The following CDH26 variants were observed in gnomAD, a reference collection of about 807,000 sequenced individuals.
The protein encoded by CDH26 is cadherin 26.
CDH26 carries 83 observed loss-of-function variants against 90.3 expected under a neutral mutation model. The ratio of observed to expected loss-of-function variants is 0.92; its 90% confidence interval spans 0.77 to 1.10. The LOEUF is 1.10. Among genes scored for constraint, CDH26 ranks in the 50% least tolerant of loss-of-function variants. The pLI is 0.00. For synonymous variants in CDH26, 397 were observed against 396.3 expected (o/e 1.00, Z -0.02); for missense variants, 1,013 against 1,037.6 (o/e 0.98, Z 0.33).
At chr20:59,986,668 T>C (rs1199466742) in intron 7 of CDH26, among the ~76,000 whole-genome samples, 1 of 149,846 alleles carries the variant, frequency 6.7e-6, no homozygotes, top group Non-Finnish European at 1.5e-5. Flanking sequence ...CACTCAGCTC[T>C]CAGCTCCATC....
At chr20:59,959,539 A>G (rs1177974133) in intron 1 of CDH26, among the ~76,000 whole-genome samples, 1 of 151,526 alleles carries the variant, frequency 6.6e-6, no homozygotes, top group African/African-American at 2.4e-5. Context: ...TACTGGGACT[A>G]CAGGTGCACG....
intron 7 of CDH26, among the ~76,000 whole-genome samples, 174 bp downstream of exon 7, chr20:59,985,303 C>T (rs2061442710): frequency 1.3e-5 from 2 of 152,138 alleles, no homozygotes; most frequent in African/African-American, 4.8e-5. Flanking sequence ...GTTCTGCAGG[C>T]TTTACAGGAA....
intron 1 of CDH26, among the ~76,000 whole-genome samples, chr20:59,959,279 T>C (rs2061037021): frequency 6.6e-6 from 1 of 152,142 alleles, no homozygotes; most frequent in Non-Finnish European, 1.5e-5. Context: ...TCTGTATTTT[T>C]TATAGAGATG....
At chr20:59,983,234 G>A (rs912597940) in intron 5 of CDH26, among the ~76,000 whole-genome samples, 164 bp downstream of exon 5, 2 of 152,090 alleles carry the variant, frequency 1.3e-5, no homozygotes, top group Admixed American at 6.6e-5. Flanking sequence ...TTTGAGGTCC[G>A]TAAGCCTCAT....
chr20:60,033,580 G>A lies in CDH26; in HGVS notation c.1239G>A (p.Ala413=), dbSNP rs147694852. 8.1e-5 allele frequency: 106 copies of A among 1,304,662 alleles called. No homozygotes were observed. In the African/African-American group the frequency reaches 1.0e-3, roughly 12 times the overall value. The allele number at this position is 1,304,662 out of a possible 1,614,324, so 80.8% of individuals were successfully genotyped here. Residue 413 remains alanine (A), a synonymous_variant, in exon 9 of 9, where the codon GCG becomes GCA. Coordinates refer to the CDH26 transcript ENST00000370991. ...AAGGTGGGGTTCGAGTCCAGAGTGCGCATTCCCCATCACCCCTTAACAAAA... is the reference window on the plus strand; with the variant it reads ...AAGGTGGGGTTCGAGTCCAGAGTGCACATTCCCCATCACCCCTTAACAAAA...
chr20:59,972,821 T>C (rs2426859), intron 4 of CDH26, among the ~76,000 whole-genome samples: 18,693 of 152,178 alleles, frequency 0.12, 2,712 homozygotes, highest in African/African-American at 0.35. Flanking sequence ...GGTGGAAAGA[T>C]GTTGATTAAC....
Position 59,988,894 on chromosome 20 carries a change from G to A in CDH26, c.1024-10G>A, listed in dbSNP as rs1283906164. 7 of 1,612,012 alleles carry A rather than the reference G, an allele frequency of 4.3e-6. No homozygotes were observed. Among genetic ancestry groups the A allele is most frequent in the Non-Finnish European group, 5.1e-6 (6 of 1,178,462 alleles). ...CAGGTGCTAATGAAATCCTCTCTCT[G>A]GGGTTCCAGCCTTTGGATTATGAGA... On this transcript the variant is annotated splice_polypyrimidine_tract_variant and intron_variant, in intron 8 of 17. Coordinates refer to ENST00000348616, the MANE Select transcript of CDH26 (RefSeq NM_177980.4).
chr20:59,996,632 G>A lies in CDH26; in HGVS notation c.1890G>A (p.Val630=). Residue 630 remains valine, a splice_region_variant and synonymous_variant, in exon 13 of 18, where the codon GTG becomes GTA. Transcript: ENST00000348616. ...PVCAAFVALA[V]ALLFLLRCYF... Reference sequence around the variant, plus strand: ...TTTTTCCCCTTTGTCTTATAACAGTGGCTCTGCTTTTTCTGTTGCGATGCT... The same window carrying A: ...TTTTTCCCCTTTGTCTTATAACAGTAGCTCTGCTTTTTCTGTTGCGATGCT... 1 of 1,614,184 alleles carries A rather than the reference G, an allele frequency of 6.2e-7. No homozygotes were observed.
rs548508230 is a variant in CDH26, at chr20:59,980,098, T to C, written c.394-2825T>C. Among the ~76,000 whole-genome samples the C allele has an allele frequency of 3.3e-5, 5 of 152,326 alleles. No individual in the cohort carries two copies. In the South Asian group the frequency reaches 1.0e-3, roughly 32 times the overall value. ...CATTAGAAACGTATAAGAATTCTGA[T>C]TGCTCTGCATCTTTGGCTGCACTTA... On this transcript the variant is annotated intron_variant, in intron 4 of 17. Transcript: ENST00000348616.
intron 7 of CDH26, among the ~76,000 whole-genome samples, chr20:60,019,956 TCTTCAA>T (rs1412299575): frequency 1.3e-5 from 2 of 152,180 alleles, no homozygotes; most frequent in Non-Finnish European, 1.5e-5. Context: ...CTATGTAGTG[TCTTCAA>T]CTATAATCCA....
In CDH26 at chr20:59,992,921, C is replaced by T. The variant is rs1373911183; in HGVS notation, c.1426+401C>T. Among the ~76,000 whole-genome samples the T allele has an allele frequency of 6.6e-6, 1 of 152,038 alleles. No individual in the cohort carries two copies. Among genetic ancestry groups the T allele is most frequent in the Non-Finnish European group, 1.5e-5 (1 of 68,030 alleles). On this transcript the variant is annotated intron_variant, in intron 10 of 17. Transcript: ENST00000348616. The surrounding 1 kb of genome is among the most constrained non-coding windows in gnomAD (Gnocchi z 5.0). ...CTGTAAGGGACACATTTGTCATAAA[C>T]CAGAATGGGTGGTTTTATAAGCCTG... is the stretch of plus-strand genomic sequence containing the variant.
At chr20:60,011,770 A>G (rs568336142) in intron 17 of CDH26, among the ~76,000 whole-genome samples, 1 of 152,088 alleles carries the variant, frequency 6.6e-6, no homozygotes, top group East Asian at 1.9e-4. Flanking sequence ...GGGACGTGGG[A>G]GGAGGAGATG....
chr20:59,987,367 C>A, intron 7 of CDH26, 86 bp from the exon 8 acceptor site: 1 of 1,091,144 alleles, frequency 9.2e-7, no homozygotes, highest in Non-Finnish European at 1.3e-6. Context: ...TGCTCTCTCT[C>A]TGCTTCTCTC....
In CDH26 at chr20:60,006,849, A is replaced by G. The variant is rs1387820403; in HGVS notation, c.2295+62A>G. The G allele has an allele frequency of 2.3e-6, 3 of 1,293,028 alleles. No homozygotes were observed. The East Asian group carries it at 6.9e-5, about 30-fold the overall frequency. 80.1% of individuals were successfully genotyped at this position (1,293,028 alleles called of 1,614,324 possible). On this transcript the variant is annotated intron_variant, in intron 17 of 17. Transcript: ENST00000348616. ...GGGTTTTGCATCCCCACTGTGCTCC[A>G]GGCTTGATTTGGGGACACTTCCTCC...
At chr20:59,967,813 A>ATTTATTTCTTTCTTTC (rs1337342795) in intron 1 of CDH26, among the ~76,000 whole-genome samples, 1 of 43,990 alleles carries the variant, frequency 2.3e-5, no homozygotes. Context: ...TCCCTCCCTC[A>ATTTATTTCTTTCTTTC]TTTCTTTCTT....
Position 59,995,922 on chromosome 20 carries a change from C to T in CDH26, c.1756C>T (p.Gln586Ter). Residue 586 changes from glutamine to a stop codon, truncating the protein, a stop_gained, in exon 12 of 18, where the codon CAG (glutamine) becomes TAG (stop). Transcript: ENST00000348616. LOFTEE classifies it high-confidence loss of function. ...LFIGDKQGLS[Q>*]KQTVHVRICP... ...CATTGGAGACAAACAGGGACTTTCC[C>T]AGAAGCAAACTGTCCATGTAAGGAT... 1.2e-6 allele frequency: 2 copies of T among 1,614,240 alleles called. No individual in the cohort carries two copies. Among genetic ancestry groups the T allele is most frequent in the South Asian group, 1.1e-5 (1 of 91,086 alleles).
chr20:60,005,486 A>C (rs1257563117), intron 16 of CDH26, among the ~76,000 whole-genome samples: 4 of 148,854 alleles, frequency 2.7e-5, no homozygotes, highest in Non-Finnish European at 5.9e-5. Flanking sequence ...ATCTGTATGT[A>C]TGTATGTATG....
At position 59,987,610 on chromosome 20, in the gene CDH26, C is replaced by T. The variant is rs561995604; in HGVS notation, c.995C>T (p.Thr332Ile). 1 of 1,613,234 alleles carries T rather than the reference C, an allele frequency of 6.2e-7. No homozygotes were observed. Among genetic ancestry groups the T allele is most frequent in the South Asian group, 1.1e-5 (1 of 90,884 alleles). Residue 332 changes from threonine to isoleucine, a missense_variant, in exon 8 of 18, where the codon ACC (threonine) becomes ATC (isoleucine). Physicochemically the swap from Thr to Ile is moderately conservative, Grantham distance 89. Coordinates refer to ENST00000348616, the MANE Select transcript of CDH26 (RefSeq NM_177980.4). ...GHFDISTDPE[T>I]NEGILNVIKP... ...TTTGACATTTCGACTGACCCTGAGA[C>T]CAACGAAGGGATATTAAATGTTATC...
At chr20:60,034,604 G>A (rs2122805569), downstream of CDH26, among the ~76,000 whole-genome samples, 1 of 152,210 alleles carries the variant, frequency 6.6e-6, no homozygotes, top group East Asian at 1.9e-4. Flanking sequence ...ACAGCAGTGT[G>A]GGCGCCAGGG....
Sources: gnomAD v4.1 joint callset for allele counts (sites outside exome capture counted in the v4.1 genomes callset) on GRCh38, gnomAD v4.1.1 for gene constraint, Gnocchi (gnomAD v3.1) non-coding constraint, MANE v1.5 for transcripts, NCBI Gene and HGNC (gene_info 2026-07-23, HGNC 2026-07-21) for gene names.